Variants in KCNH1 observed in about 807,000 individuals in gnomAD.
The protein encoded by KCNH1 is voltage-gated delayed rectifier potassium channel KCNH1.
KCNH1 carries 27 observed loss-of-function variants against 69.2 expected under a neutral mutation model. The observed-to-expected ratio is 0.39, with a 90% CI of 0.29 to 0.54. KCNH1 has a LOEUF of 0.54. KCNH1 is among the 20% of genes least tolerant of loss of function. The probability of loss-of-function intolerance (pLI) is 0.68; values close to 1 mark genes in which losing one functional copy is unlikely to be tolerated. For synonymous variants in KCNH1, 456 were observed against 487.7 expected (o/e 0.93, Z 0.86); for missense variants, 798 against 1,261.6 (o/e 0.63, Z 5.57).
chr1:210,729,712 C>T (rs1682695802), intron 10 of KCNH1, among the ~76,000 whole-genome samples: 1 of 152,128 alleles, frequency 6.6e-6, no homozygotes, highest in South Asian at 2.1e-4. Context: ...ATTCCTTGTT[C>T]CTCAGGCTGT....
chr1:211,072,774 C>G (rs1161152658), intron 5 of KCNH1, among the ~76,000 whole-genome samples: 1 of 151,848 alleles, frequency 6.6e-6, no homozygotes, highest in Non-Finnish European at 1.5e-5. Context: ...ACATAAAATG[C>G]TCAGTTAAAA....
intron 5 of KCNH1, among the ~76,000 whole-genome samples, chr1:211,057,561 C>T (rs1455765576): frequency 1.3e-5 from 2 of 152,004 alleles, no homozygotes; most frequent in Non-Finnish European, 2.9e-5. Context: ...ATCGCTCGAG[C>T]CCAGGAGGTT....
intron 6 of KCNH1, among the ~76,000 whole-genome samples, chr1:210,988,708 T>G (rs930953772): frequency 6.6e-6 from 1 of 152,214 alleles, no homozygotes; most frequent in African/African-American, 2.4e-5. Context: ...ATAAACACTC[T>G]AAACAAATGT....
intron 10 of KCNH1, among the ~76,000 whole-genome samples, chr1:210,705,587 A>G (rs1327242714): frequency 6.6e-6 from 1 of 152,146 alleles, no homozygotes; most frequent in African/African-American, 2.4e-5. Context: ...CAAAAAAGAA[A>G]AGAGGCTAAA....
At chr1:210,868,870 T>C (rs1686173949) in intron 7 of KCNH1, among the ~76,000 whole-genome samples, 1 of 152,128 alleles carries the variant, frequency 6.6e-6, no homozygotes, top group Admixed American at 6.6e-5. Flanking sequence ...TATCCATGTA[T>C]GATGTTTTTC....
intron 4 of KCNH1, among the ~76,000 whole-genome samples, chr1:211,083,264 G>A (rs1690889870): frequency 6.6e-6 from 1 of 152,242 alleles, no homozygotes; most frequent in Non-Finnish European, 1.5e-5. Context: ...GGGTAATTGA[G>A]ATGTTTCTGT....
At chr1:210,694,615 G>A (rs1681598075) in intron 10 of KCNH1, among the ~76,000 whole-genome samples, 1 of 152,202 alleles carries the variant, frequency 6.6e-6, no homozygotes, top group Non-Finnish European at 1.5e-5. Flanking sequence ...CCCTGGAGCT[G>A]GGCAGGCCCT....
chr1:210,713,017 A>T (rs1251703620), intron 10 of KCNH1, among the ~76,000 whole-genome samples: 3 of 152,056 alleles, frequency 2.0e-5, no homozygotes, highest in Admixed American at 2.0e-4. Flanking sequence ...CTTCTCCATC[A>T]GGAGGGGTGC....
intron 7 of KCNH1, among the ~76,000 whole-genome samples, chr1:210,868,760 T>C (rs2102491770): frequency 6.6e-6 from 1 of 152,200 alleles, no homozygotes; most frequent in African/African-American, 2.4e-5. Flanking sequence ...CAACCACTAA[T>C]CTGTTTTCCC....
In KCNH1 at chr1:210,925,017, A is replaced by C. The variant is rs551484735; in HGVS notation, c.1033-4948T>G. On this transcript the variant is annotated intron_variant, in intron 6 of 10. Coordinates refer to ENST00000271751, the MANE Select transcript of KCNH1 (RefSeq NM_172362.3). ...CTTACAGAAAAGAGTCTTTCCCTAC[A>C]AAAGCCACTCCATAAAACTGAAAGA... is the stretch of plus-strand genomic sequence containing the variant. Among the ~76,000 whole-genome samples, 6 of 152,352 alleles carry C rather than the reference A, an allele frequency of 3.9e-5. No individual in the cohort carries two copies. In the South Asian group the frequency reaches 1.2e-3, roughly 32 times the overall value.
At chr1:211,002,919 G>A (rs1689215343) in intron 6 of KCNH1, among the ~76,000 whole-genome samples, 1 of 152,178 alleles carries the variant, frequency 6.6e-6, no homozygotes. Context: ...AGAGATAGTA[G>A]CAGAGAATTC....
intron 6 of KCNH1, among the ~76,000 whole-genome samples, chr1:210,953,096 C>T (rs934034453): frequency 4.6e-5 from 7 of 152,210 alleles, no homozygotes; most frequent in African/African-American, 1.7e-4. Context: ...CACAATCTTT[C>T]TCCCACACCT....
At chr1:210,853,197 T>C (rs1296270956) in intron 7 of KCNH1, among the ~76,000 whole-genome samples, 1 of 152,184 alleles carries the variant, frequency 6.6e-6, no homozygotes, top group Non-Finnish European at 1.5e-5. Context: ...TTGTTCCTTT[T>C]TGAGTCTCAG....
chr1:211,120,935 A>G (rs1167787425), intron 1 of KCNH1, among the ~76,000 whole-genome samples: 3 of 152,120 alleles, frequency 2.0e-5, no homozygotes, highest in Non-Finnish European at 4.4e-5. Flanking sequence ...ATTCACAATC[A>G]CTGCAAACTG....
intron 5 of KCNH1, among the ~76,000 whole-genome samples, chr1:211,078,308 G>A (rs1690775422): frequency 6.6e-6 from 1 of 152,156 alleles, no homozygotes; most frequent in African/African-American, 2.4e-5. Context: ...CAAATCAACA[G>A]AATATACATT....
intron 7 of KCNH1, among the ~76,000 whole-genome samples, chr1:210,891,103 C>T (rs1009924228): frequency 3.9e-5 from 6 of 152,060 alleles, no homozygotes; most frequent in East Asian, 1.9e-4. Flanking sequence ...ATGTTTATTG[C>T]GGCACTATTC....
intron 6 of KCNH1, among the ~76,000 whole-genome samples, chr1:210,927,214 A>G (rs370621534): frequency 6.6e-6 from 1 of 152,172 alleles, no homozygotes; most frequent in Non-Finnish European, 1.5e-5. Context: ...AAGAAGCTCA[A>G]AAAACACCAA....
At chr1:210,828,089 C>A (rs1685071356) in intron 7 of KCNH1, among the ~76,000 whole-genome samples, 1 of 152,108 alleles carries the variant, frequency 6.6e-6, no homozygotes, top group Admixed American at 6.5e-5. Flanking sequence ...GTGATCCACT[C>A]TTCTCAGCCT....
At chr1:210,895,217 C>T (rs147702634) in intron 7 of KCNH1, among the ~76,000 whole-genome samples, 1 of 150,470 alleles carries the variant, frequency 6.6e-6, no homozygotes, top group African/African-American at 2.4e-5. Context: ...TAACCTTGGA[C>T]AAATTAATCA....
Sources: allele counts gnomAD v4.1 joint callset (sites outside exome capture counted in the v4.1 genomes callset), GRCh38; gene constraint gnomAD v4.1.1; transcripts MANE v1.5; gene names NCBI Gene and HGNC (gene_info 2026-07-23, HGNC 2026-07-21).